DNAI4: variants seen among roughly 807,000 people sequenced by gnomAD.
DNAI4 encodes dynein axonemal intermediate chain 4, also known as WD repeat domain 78.
DNAI4 carries 85 observed loss-of-function variants against 105.8 expected under a neutral mutation model. The observed-to-expected ratio is 0.80, with a 90% CI of 0.67 to 0.96. The LOEUF is 0.96. DNAI4 is among the 40% of genes least tolerant of loss of function. The probability of loss-of-function intolerance (pLI) is 0.00; values close to 1 mark genes in which losing one functional copy is unlikely to be tolerated. For synonymous variants in DNAI4, 352 were observed against 331.5 expected, an observed-to-expected ratio of 1.06 and a Z score of -0.67; for missense variants, 1,014 against 1,005.6, an observed-to-expected ratio of 1.01 and a Z score of -0.11.
At chr1:66,905,918 CT>C (rs34206774) in intron 1 of DNAI4, among the ~76,000 whole-genome samples, 527 of 96,378 alleles carry the variant, frequency 5.5e-3, no homozygotes, top group African/African-American at 0.015. Context: ...TTATATACTA[CT>C]TTTTTTTTTT....
chr1:66,821,858 A>C (rs1321735684), intron 16 of DNAI4, among the ~76,000 whole-genome samples: 4 of 152,178 alleles, frequency 2.6e-5, no homozygotes, highest in Non-Finnish European at 4.4e-5. Context: ...TTTAAATAAT[A>C]GGCATCTATT....
At chr1:66,845,146 G>A (rs1396014082) in intron 8 of DNAI4, among the ~76,000 whole-genome samples, 5 of 120,056 alleles carry the variant, frequency 4.2e-5, no homozygotes, top group South Asian at 2.7e-4. Flanking sequence ...AGCCAAGATC[G>A]TGCCTTTGCA....
At chr1:66,900,565 T>A (rs1350518584) in intron 2 of DNAI4, among the ~76,000 whole-genome samples, 1 of 152,240 alleles carries the variant, frequency 6.6e-6, no homozygotes, top group Non-Finnish European at 1.5e-5. Flanking sequence ...AATTAGATCT[T>A]ATTTAATTTC....
chr1:66,818,828 G>C (rs941648320), intron 16 of DNAI4, among the ~76,000 whole-genome samples: 5 of 152,124 alleles, frequency 3.3e-5, no homozygotes, highest in African/African-American at 1.2e-4. Flanking sequence ...CAGTAGAATT[G>C]CTTGAACCTG....
intron 6 of DNAI4, among the ~76,000 whole-genome samples, chr1:66,864,467 T>C (rs1646689832): frequency 1.3e-5 from 2 of 152,172 alleles, no homozygotes; most frequent in African/African-American, 4.8e-5. Flanking sequence ...AACGCAGGTG[T>C]CAACAGATGG....
intron 1 of DNAI4, among the ~76,000 whole-genome samples, chr1:66,923,316 T>C (rs1333613301): frequency 6.6e-6 from 1 of 152,202 alleles, no homozygotes; most frequent in Admixed American, 6.5e-5. Context: ...CCTAGGTGTA[T>C]AGTAGCCCAT....
At chr1:66,883,171 T>C (rs2100720966) in intron 4 of DNAI4, among the ~76,000 whole-genome samples, 1 of 148,626 alleles carries the variant, frequency 6.7e-6, no homozygotes, top group East Asian at 2.0e-4. Context: ...TGCCAGGAAG[T>C]TTTCTTTTCT....
chr1:66,855,682 T>C (rs751012013), intron 7 of DNAI4, among the ~76,000 whole-genome samples: 5 of 152,186 alleles, frequency 3.3e-5, no homozygotes, highest in Non-Finnish European at 7.3e-5. Context: ...TAAATGCTTA[T>C]GGTGCAAAAA....
rs1392559186 is a variant in DNAI4 at position 66,824,353 on chromosome 1, A to G, written c.2340-1836T>C. The stretch of plus-strand genomic sequence containing the variant: ...TGAAGTCAAGTAGTGTGATGCCTCC[A>G]GCTTTGTTCTTTTGGCTTAGGATTG... On this transcript the variant is annotated intron_variant, in intron 15 of 16. Coordinates refer to ENST00000371026, the MANE Select transcript of DNAI4 (RefSeq NM_024763.5). Among the ~76,000 whole-genome samples the G allele has an allele frequency of 3.3e-5, 5 of 151,586 alleles. No homozygotes were observed. In the East Asian group the frequency reaches 5.8e-4, roughly 18 times the overall value.
chr1:66,864,864 AC>A (rs376610270), intron 6 of DNAI4, among the ~76,000 whole-genome samples: 158 of 152,318 alleles, frequency 1.0e-3, no homozygotes, highest in African/African-American at 3.6e-3. Flanking sequence ...GTAATGATCA[AC>A]CCAAAAGTTA....
At chr1:66,825,740 T>C (rs1277907391) in intron 15 of DNAI4, among the ~76,000 whole-genome samples, 1 of 152,234 alleles carries the variant, frequency 6.6e-6, no homozygotes, top group East Asian at 1.9e-4. Context: ...CTCATACTTG[T>C]AATCCTTGAT....
rs1553231958 is a variant in DNAI4, at chr1:66,913,998, AAG to A, written c.171-8625_171-8624del. On this transcript the variant is annotated intron_variant, in intron 1 of 16. Transcript: ENST00000371026. Reference sequence around the variant, plus strand: ...AACTCCGTCTCAAAAAAAAAAAAAAAAGAAGGTGGAAACGACTCAGTGGTGAC... The same window carrying A: ...AACTCCGTCTCAAAAAAAAAAAAAAAAAGGTGGAAACGACTCAGTGGTGAC... Among the ~76,000 whole-genome samples the A allele has an allele frequency of 4.9e-3, 750 of 151,640 alleles. 5 individuals carry two copies. The highest frequency in any genetic ancestry group is 0.017 in the African/African-American group (698 of 41,204).
chr1:66,821,652 T>C lies in DNAI4; in HGVS notation c.2496+709A>G, dbSNP rs558537293. On this transcript the variant is annotated intron_variant, in intron 16 of 16. Transcript: ENST00000371026. ...TTAAAACATATTTACTAGTCATTTT[T>C]TGTGAATGACCTGTTCCTGACCATT... Among the ~76,000 whole-genome samples, 4 of 152,310 alleles carry C rather than the reference T, an allele frequency of 2.6e-5. No homozygotes were observed. The South Asian group carries it at 8.3e-4, about 32-fold the overall frequency.
intron 7 of DNAI4, among the ~76,000 whole-genome samples, chr1:66,850,305 C>T (rs529140574): frequency 6.6e-6 from 1 of 151,874 alleles, no homozygotes; most frequent in East Asian, 1.9e-4. Context: ...ATGGTCAATG[C>T]AGAATTCTAT....
At chr1:66,862,067 ATTG>A in intron 7 of DNAI4, 77 bp downstream of exon 7, 16 of 1,368,412 alleles carry the variant, frequency 1.2e-5, no homozygotes, top group Non-Finnish European at 1.6e-5. Context: ...GAAAGAAAAC[ATTG>A]TTAACTGCCA....
Position 66,909,324 on chromosome 1 carries a change from T to TCACACACACA in DNAI4, c.171-3950_171-3949insTGTGTGTGTG, listed in dbSNP as rs1553231245. Among the ~76,000 whole-genome samples the TCACACACACA allele has an allele frequency of 1.2e-4, 4 of 33,960 alleles. No individual in the cohort carries two copies. In the East Asian group the frequency reaches 3.1e-3, roughly 26 times the overall value. The allele number at this position is 33,960 out of a possible 152,430, so 22.3% of individuals were successfully genotyped here. ...CACACACACACACACACACACACAG[T>TCACACACACA]CTCTCTTGAATAGAGTCTGATCAGG... is the stretch of plus-strand genomic sequence containing the variant. On this transcript the variant is annotated intron_variant, in intron 1 of 16. Coordinates refer to ENST00000371026, the MANE Select transcript of DNAI4 (RefSeq NM_024763.5).
intron 1 of DNAI4, among the ~76,000 whole-genome samples, chr1:66,924,407 G>A (rs1003964922): frequency 1.3e-4 from 19 of 151,982 alleles, no homozygotes; most frequent in Non-Finnish European, 1.0e-4. Context: ...TCTGACCTCA[G>A]GTGATCCACC....
chr1:66,911,079 C>T (rs987103372), intron 1 of DNAI4, among the ~76,000 whole-genome samples: 9 of 152,158 alleles, frequency 5.9e-5, no homozygotes, highest in Non-Finnish European at 8.8e-5. Context: ...CCTCTGACTT[C>T]GAATGGCAGT....
chr1:66,878,433 AT>A (rs1251079365), intron 4 of DNAI4, among the ~76,000 whole-genome samples: 1 of 152,086 alleles, frequency 6.6e-6, no homozygotes, highest in Non-Finnish European at 1.5e-5. Context: ...AGAATCAGGC[AT>A]TTCTTCAAAG....
Sources: gnomAD v4.1 joint callset for allele counts (sites outside exome capture counted in the v4.1 genomes callset) on GRCh38, gnomAD v4.1.1 for gene constraint, MANE v1.5 for transcripts, NCBI Gene and HGNC (gene_info 2026-07-23, HGNC 2026-07-21) for gene names.